Variants in TRPC4AP observed in about 807,000 individuals in gnomAD.
The protein encoded by TRPC4AP is transient receptor potential cation channel subfamily C member 4 associated protein.
In TRPC4AP, 45 loss-of-function variants were observed where a neutral mutation model predicts 99.0. The ratio of observed to expected loss-of-function variants is 0.45; its 90% CI spans 0.36 to 0.58. The LOEUF (loss-of-function observed/expected upper bound fraction) is 0.58. Among genes scored for constraint, TRPC4AP ranks in the 20% least tolerant of loss-of-function variants. The pLI is 0.00. For missense variants in TRPC4AP, 879 were observed against 985.3 expected (o/e 0.89, Z 1.44); for synonymous variants, 408 against 385.8 (o/e 1.06, Z -0.67).
Position 35,044,519 on chromosome 20 carries a change from G to C in TRPC4AP, c.851C>G (p.Ala284Gly). The C allele has an allele frequency of 6.2e-7, 1 of 1,613,894 alleles. No homozygotes were observed. Residue 284 changes from alanine (A) to glycine (G), a missense_variant, in exon 7 of 19, where the codon GCT (alanine) becomes GGT (glycine). Physicochemically the swap from Ala to Gly is moderately conservative, Grantham distance 60. Around this residue, in one of 3 missense-constraint regions of TRPC4AP, gnomAD observed 603 missense variants for 631.8 expected, o/e 0.95. Transcript: ENST00000252015. ...GGAGACTTTACCTTGATTGATTTCA[G>C]CTGCAGAAGGCCCCAAACTCAAGCT... The part of the protein sequence containing the change: ...KKSLSLGPSA[A>G]EINQAALLSI...
At chr20:35,076,946 C>T (rs763084521) in intron 2 of TRPC4AP, among the ~76,000 whole-genome samples, 7 of 152,258 alleles carry the variant, frequency 4.6e-5, no homozygotes, top group Non-Finnish European at 7.4e-5. Flanking sequence ...TGTTTACCTA[C>T]GCAAGTCTCA....
chr20:35,058,050 TG>T (rs908669557), intron 3 of TRPC4AP, among the ~76,000 whole-genome samples: 29 of 152,340 alleles, frequency 1.9e-4, no homozygotes, highest in Admixed American at 1.4e-3. Flanking sequence ...AAAATAAGCA[TG>T]TATTTAAAAA....
intron 6 of TRPC4AP, among the ~76,000 whole-genome samples, chr20:35,046,686 G>T (rs1428079792): frequency 6.6e-6 from 1 of 151,978 alleles, no homozygotes; most frequent in Non-Finnish European, 1.5e-5. Flanking sequence ...GGGGCATTGG[G>T]GAACAACTGC....
chr20:35,016,212 A>AT (rs2082750662), intron 9 of TRPC4AP, 73 bp from the exon 10 acceptor site: 1 of 1,557,264 alleles, frequency 6.4e-7, no homozygotes, highest in African/African-American at 1.4e-5. Flanking sequence ...CGTGCTCAGT[A>AT]CACACGATAA....
intron 6 of TRPC4AP, among the ~76,000 whole-genome samples, chr20:35,048,149 C>G (rs1600588687): frequency 6.6e-6 from 1 of 151,214 alleles, no homozygotes; most frequent in Non-Finnish European, 1.5e-5. Flanking sequence ...AATGCTTGTT[C>G]ATAACATTGC....
chr20:35,058,265 G>A (rs1310322423), intron 3 of TRPC4AP, among the ~76,000 whole-genome samples: 2 of 152,160 alleles, frequency 1.3e-5, no homozygotes, highest in Non-Finnish European at 2.9e-5. Context: ...CTAGGCAGAC[G>A]AGCAAAGAAA....
chr20:35,064,959 G>A (rs1004786315), intron 3 of TRPC4AP, among the ~76,000 whole-genome samples: 4 of 152,200 alleles, frequency 2.6e-5, no homozygotes, highest in Non-Finnish European at 4.4e-5. Flanking sequence ...TTTGACTTAC[G>A]TCTTCATCAG....
chr20:35,038,560 T>C (rs1341637542), intron 7 of TRPC4AP, among the ~76,000 whole-genome samples: 1 of 151,224 alleles, frequency 6.6e-6, no homozygotes. Flanking sequence ...GCAGCACTTA[T>C]TTTATATTAC....
At position 35,052,739 on chromosome 20, in the gene TRPC4AP, G is replaced by A. The variant is rs930674272; in HGVS notation, c.528+2237C>T. Among the ~76,000 whole-genome samples, 15 of 152,248 alleles carry A rather than the reference G, an allele frequency of 9.9e-5. 1 individual carries two copies. In the East Asian group the frequency reaches 2.5e-3, roughly 25 times the overall value. On this transcript the variant is annotated intron_variant, in intron 5 of 18. Coordinates refer to ENST00000252015, the MANE Select transcript of TRPC4AP (RefSeq NM_015638.3). ...ACTCCTGACCTCAAGTGATCCACCCGCCTCAGCCTCCCAAATTGCTGGGAT... is the reference window on the plus strand; with the variant it reads ...ACTCCTGACCTCAAGTGATCCACCCACCTCAGCCTCCCAAATTGCTGGGAT...
At chr20:35,031,729 T>C (rs908879882) in intron 8 of TRPC4AP, among the ~76,000 whole-genome samples, 4 of 152,142 alleles carry the variant, frequency 2.6e-5, no homozygotes, top group Non-Finnish European at 5.9e-5. Context: ...TGCTTAATAG[T>C]GCCCCACATT....
chr20:35,033,969 C>G (rs2147333586), intron 8 of TRPC4AP, among the ~76,000 whole-genome samples: 1 of 38,176 alleles, frequency 2.6e-5, no homozygotes, highest in South Asian at 9.0e-4. Context: ...CAAGGTGAAA[C>G]CCCGTCTCTA....
intron 7 of TRPC4AP, among the ~76,000 whole-genome samples, chr20:35,040,624 A>T (rs2083426652): frequency 6.6e-6 from 1 of 151,998 alleles, no homozygotes; most frequent in Non-Finnish European, 1.5e-5. Flanking sequence ...TTATTTTTGG[A>T]GACGGAGTTT....
chr20:35,085,859 T>C (rs1418575065), intron 1 of TRPC4AP, among the ~76,000 whole-genome samples: 1 of 152,194 alleles, frequency 6.6e-6, no homozygotes. Flanking sequence ...GATTTTATTG[T>C]TTTTAAAAAT....
intron 7 of TRPC4AP, among the ~76,000 whole-genome samples, chr20:35,044,261 CCT>C (rs1411194373): frequency 6.6e-6 from 1 of 151,470 alleles, no homozygotes; most frequent in Non-Finnish European, 1.5e-5. Flanking sequence ...TGTGGTGGCA[CCT>C]GCCTATAGTT....
chr20:35,080,013 T>TAAAAAA (rs71196785), intron 1 of TRPC4AP, among the ~76,000 whole-genome samples: 2 of 93,796 alleles, frequency 2.1e-5, no homozygotes, highest in African/African-American at 4.3e-5. Context: ...CAGAGCAAGA[T>TAAAAAA]AAAAAAAAAA....
intron 8 of TRPC4AP, among the ~76,000 whole-genome samples, chr20:35,024,852 A>AAAAAAAAAAAAAAC (rs2082988293): frequency 1.4e-5 from 1 of 70,234 alleles, no homozygotes. Flanking sequence ...AAAAAAAAAA[A>AAAAAAAAAAAAAAC]AAATTCTGTT....
intron 8 of TRPC4AP, among the ~76,000 whole-genome samples, chr20:35,032,639 A>AT (rs2083228478): frequency 6.6e-6 from 1 of 151,044 alleles, no homozygotes; most frequent in Admixed American, 6.6e-5. Context: ...CGCCCAGCTA[A>AT]TTTTTTGTAT....
At position 35,049,878 on chromosome 20, in the gene TRPC4AP, C is replaced by T. The variant is rs1251901496; in HGVS notation, c.645G>A (p.Leu215=). Residue 215 remains leucine, a synonymous_variant, in exon 6 of 19, where the codon TTG becomes TTA. Transcript: ENST00000252015. Reference sequence around the variant, plus strand: ...GGACACAGCTCACCTTTTTAACACCCAAAATATCTTCAATGAGGGTTGCTG... The same window carrying T: ...GGACACAGCTCACCTTTTTAACACCTAAAATATCTTCAATGAGGGTTGCTG... ...LQTATLIEDI[L]GVKKEMIRLD... is the part of the protein sequence containing the mutation. 2 of 1,613,198 alleles carry T rather than the reference C, an allele frequency of 1.2e-6. No individual in the cohort carries two copies. The highest frequency in any genetic ancestry group is 1.7e-6 in the Non-Finnish European group (2 of 1,179,602).
At chr20:35,021,786 A>G (rs1394198277) in intron 8 of TRPC4AP, among the ~76,000 whole-genome samples, 1 of 152,206 alleles carries the variant, frequency 6.6e-6, no homozygotes, top group East Asian at 1.9e-4. Context: ...ACACTGCTGA[A>G]GCCCAAGAGG....
Sources: allele counts gnomAD v4.1 joint callset (sites outside exome capture counted in the v4.1 genomes callset), GRCh38; gene constraint gnomAD v4.1.1; regional missense constraint gnomAD v4.1.1; transcripts MANE v1.5; gene names NCBI Gene and HGNC (gene_info 2026-07-23, HGNC 2026-07-21).